TMEM223: variants seen among roughly 807,000 people sequenced by gnomAD.
TMEM223 encodes the protein transmembrane protein 223.
TMEM223 carries 14 observed loss-of-function variants against 14.1 expected under a neutral mutation model. That is an observed-to-expected ratio of 0.99 (90% CI 0.66 to 1.55). The LOEUF (loss-of-function observed/expected upper bound fraction) is 1.55, where lower values mean the gene tolerates loss of function less well. Ranked by LOEUF, TMEM223 falls within the 40% of genes most tolerant of loss-of-function variation. The pLI is 0.00. For missense variants in TMEM223, 346 were observed against 269.9 expected (o/e 1.28, Z -1.97); for synonymous variants, 145 against 120.5 (o/e 1.20, Z -1.33).
chr11:62,789,982 A>T lies in TMEM223; in HGVS notation c.*641T>A. On this transcript the variant is annotated 3_prime_UTR_variant, in exon 2 of 2. Coordinates refer to ENST00000307366, the MANE Select transcript of TMEM223 (RefSeq NM_001080501.3). ...AGCCACCCCATACCGGCCTCTGGAG[A>T]GGGGTGACCCTGAGTGGAGCTCTGA... 2.5e-6 allele frequency: 4 copies of T among 1,614,018 alleles called. No homozygotes were observed. Among genetic ancestry groups the T allele is most frequent in the Non-Finnish European group, 3.4e-6 (4 of 1,179,988 alleles).
At position 62,790,391 on chromosome 11, in the gene TMEM223, CCTT is replaced by C; in HGVS notation, c.*229_*231del. 2 of 564,762 alleles carry C rather than the reference CCTT, an allele frequency of 3.5e-6. No homozygotes were observed. The highest frequency in any genetic ancestry group is 6.2e-6 in the Non-Finnish European group (2 of 324,348). The allele number at this position is 564,762 out of a possible 1,614,324, so 35.0% of individuals were successfully genotyped here. A position where few individuals can be genotyped will look rare whatever the true frequency, so the allele number is the denominator to read the frequency against. Reference sequence around the variant, plus strand: ...ATTTGTTGTTAATGAATCTTGACCTCCTTGTGTGACCCTGGTTGTTACTCCATT... The same window carrying C: ...ATTTGTTGTTAATGAATCTTGACCTCGTGTGACCCTGGTTGTTACTCCATT... On this transcript the variant is annotated 3_prime_UTR_variant, in exon 2 of 2. Transcript: ENST00000307366.
chr11:62,785,480 C>T (rs575412605), downstream of TMEM223, among the ~76,000 whole-genome samples: 21 of 152,038 alleles, frequency 1.4e-4, no homozygotes, highest in South Asian at 4.4e-3. Context: ...GCGTGAGCCA[C>T]AGCGCCCGGC....
At chr11:62,787,486 C>A, downstream of TMEM223, 1 of 1,579,340 alleles carries the variant, frequency 6.3e-7, no homozygotes, top group Non-Finnish European at 8.5e-7. Context: ...TGCCGCCTTC[C>A]TGTGCGGGGC....
chr11:62,787,326 A>C, downstream of TMEM223: 1 of 1,523,998 alleles, frequency 6.6e-7, no homozygotes, highest in Non-Finnish European at 8.8e-7. Context: ...CTTGTAAATA[A>C]ATCCCGCCCC....
chr11:62,785,260 C>T (rs535375478), downstream of TMEM223, among the ~76,000 whole-genome samples: 1 of 151,896 alleles, frequency 6.6e-6, no homozygotes, highest in South Asian at 2.1e-4. Flanking sequence ...GGCGCGACCT[C>T]GGCTCACTGC....
intron 1 of TMEM223, chr11:62,782,296 C>A (rs746878530): frequency 6.2e-7 from 1 of 1,614,038 alleles, no homozygotes; most frequent in East Asian, 2.2e-5. Flanking sequence ...CTGGACTCTG[C>A]GGGATGGGGC....
chr11:62,781,851 A>G, intron 1 of TMEM223: 1 of 1,561,014 alleles, frequency 6.4e-7, no homozygotes, highest in Non-Finnish European at 8.8e-7. Flanking sequence ...CATGTTTTAC[A>G]ATTTTCTGGT....
At chr11:62,787,409 C>G (rs1419917757), downstream of TMEM223, 1 of 1,555,684 alleles carries the variant, frequency 6.4e-7, no homozygotes. Flanking sequence ...GCTGCAGCGG[C>G]GCTTCCTGGT....
chr11:62,791,970 G>A lies in TMEM223; in HGVS notation c.25C>T (p.Pro9Ser), dbSNP rs563277133. 3.8e-6 allele frequency: 6 copies of A among 1,562,176 alleles called. No homozygotes were observed. The highest frequency in any genetic ancestry group is 2.4e-5 in the East Asian group (1 of 42,418). ...CGCAGCACGGCTAGCAGCCCCGTGG[G>A]CCATCGCCTCCAAGGCGCCGCCATG... MAAPWRRW[P>S]TGLLAVLRPL... Residue 9 changes from proline to serine, a missense_variant, in exon 1 of 2, where the codon CCC (proline) becomes TCC (serine). By Grantham distance (74) the Pro-to-Ser change is moderately conservative (BLOSUM62 -1). Transcript: ENST00000307366.
At chr11:62,780,717 G>C (rs1323173271) in intron 1 of TMEM223, among the ~76,000 whole-genome samples, 1 of 151,664 alleles carries the variant, frequency 6.6e-6, no homozygotes, top group African/African-American at 2.4e-5. Flanking sequence ...ATCATGTGAG[G>C]CCGGGAGTTC....
At chr11:62,775,768 C>G (rs1022168635) in intron 1 of TMEM223, 1 of 1,599,536 alleles carries the variant, frequency 6.3e-7, no homozygotes, top group African/African-American at 1.3e-5. Flanking sequence ...TCTCCACTCC[C>G]AGCTCCACTG....
downstream of TMEM223, chr11:62,789,767 G>C (rs774127515): frequency 6.6e-7 from 1 of 1,515,812 alleles, no homozygotes; most frequent in East Asian, 2.3e-5. Context: ...TGGCCTACCA[G>C]TGAGAGGAGC....
chr11:62,771,960 G>C, exon 3 of TMEM223: 1 of 368,314 alleles, frequency 2.7e-6, no homozygotes, highest in South Asian at 2.0e-5. Context: ...ATGTCTTTGG[G>C]GTGGGATCCA....
chr11:62,784,049 C>T (rs1288395966), downstream of TMEM223, among the ~76,000 whole-genome samples: 5 of 1,334 alleles, frequency 3.7e-3, no homozygotes, highest in Non-Finnish European at 8.7e-3. Flanking sequence ...AGTGCAGTGG[C>T]GTGATCTCGG....
At chr11:62,779,623 G>A (rs1438245246) in intron 1 of TMEM223, among the ~76,000 whole-genome samples, 2 of 148,600 alleles carry the variant, frequency 1.3e-5, no homozygotes, top group Non-Finnish European at 3.0e-5. Flanking sequence ...ACTGTGCCCG[G>A]CCTAATTCTA....
At position 62,791,855 on chromosome 11, in the gene TMEM223, A is replaced by G. The variant is rs1197854832; in HGVS notation, c.140T>C (p.Ile47Thr). Residue 47 changes from isoleucine (I) to threonine (T), a missense_variant, in exon 1 of 2, where the codon ATC (isoleucine) becomes ACC (threonine). Ile to Thr is a moderately conservative substitution (Grantham distance 89). Transcript: ENST00000307366. Reference protein sequence around the residue: ...FEHDRGRFFTILGLFCAGQGV... With the variant: ...FEHDRGRFFTTLGLFCAGQGV... ...CTGGCCCGCGCAGAACAGCCCGAGG[A>G]TGGTGAAGAAGCGGCCCCGATCATG... 5.0e-6 allele frequency: 8 copies of G among 1,592,854 alleles called. No homozygotes were observed. The Admixed American group carries it at 1.2e-4, about 25-fold the overall frequency.
At chr11:62,775,784 A>G (rs138691605) in intron 1 of TMEM223, 1 of 1,607,012 alleles carries the variant, frequency 6.2e-7, no homozygotes, top group Non-Finnish European at 8.5e-7. Flanking sequence ...CACTGGGGCC[A>G]TGTCAGAGCG....
At chr11:62,773,119 G>GCTCA (rs1197913927) in intron 2 of TMEM223, among the ~76,000 whole-genome samples, 1 of 149,222 alleles carries the variant, frequency 6.7e-6, no homozygotes, top group African/African-American at 2.5e-5. Flanking sequence ...GGGATTACAG[G>GCTCA]CGTGAGCCAC....
downstream of TMEM223, among the ~76,000 whole-genome samples, chr11:62,784,595 C>T (rs373717096): frequency 2.6e-5 from 4 of 151,886 alleles, no homozygotes; most frequent in South Asian, 2.1e-4. Context: ...TGTGAGCCAC[C>T]GTGCCTGGCC....
Sources: gnomAD v4.1 joint callset for allele counts (sites outside exome capture counted in the v4.1 genomes callset) on GRCh38, gnomAD v4.1.1 for gene constraint, MANE v1.5 for transcripts, NCBI Gene and HGNC (gene_info 2026-07-23, HGNC 2026-07-21) for gene names.